RBP7: variants seen among roughly 807,000 people sequenced by gnomAD.
RBP7 encodes retinoid-binding protein 7.
A neutral mutation model predicts 16.7 loss-of-function variants in RBP7; 13 were observed. The ratio of observed to expected loss-of-function variants is 0.78; its 90% CI spans 0.51 to 1.24. RBP7 has a LOEUF of 1.24. Ranked by LOEUF, RBP7 falls within the 50% of genes most tolerant of loss-of-function variation. The pLI is 0.00. For synonymous variants in RBP7, 54 were observed against 56.2 expected, an observed-to-expected ratio of 0.96 and a Z score of 0.17; for missense variants, 145 against 159.5, an observed-to-expected ratio of 0.91 and a Z score of 0.49.
intron 1 of RBP7, among the ~76,000 whole-genome samples, chr1:10,006,783 A>G (rs1402932381): frequency 6.7e-6 from 1 of 149,196 alleles, no homozygotes; most frequent in Admixed American, 6.7e-5. Context: ...AGAGAGAGAG[A>G]GGTATATACA....
intron 3 of RBP7, among the ~76,000 whole-genome samples, chr1:10,010,735 C>G (rs1045444529): frequency 6.6e-6 from 1 of 152,054 alleles, no homozygotes; most frequent in Non-Finnish European, 1.5e-5. Flanking sequence ...CAGGCATGCA[C>G]CACCACGCCT....
chr1:10,011,244 G>A (rs188777274), intron 3 of RBP7, among the ~76,000 whole-genome samples: 165 of 152,048 alleles, frequency 1.1e-3, no homozygotes, highest in African/African-American at 3.4e-3. Context: ...ATAGTCATCT[G>A]TCTTTGTATT....
chr1:10,001,857 C>G (rs1642287371), intron 1 of RBP7, among the ~76,000 whole-genome samples: 1 of 144,358 alleles, frequency 6.9e-6, no homozygotes, highest in Non-Finnish European at 1.5e-5. Context: ...GAGACAGAGT[C>G]TCCCTTTGTT....
At chr1:10,008,326 T>A (rs1214268468) in intron 3 of RBP7, 52 bp downstream of exon 3, 1 of 1,255,858 alleles carries the variant, frequency 8.0e-7, no homozygotes, top group Admixed American at 1.7e-5. Context: ...AAAGGAAACA[T>A]CAGGCCAAGC....
intron 1 of RBP7, among the ~76,000 whole-genome samples, chr1:10,003,401 C>T (rs529894211): frequency 6.6e-6 from 1 of 152,294 alleles, no homozygotes; most frequent in South Asian, 2.1e-4. Flanking sequence ...GCACTCCAGC[C>T]TGGGTGACAA....
Position 10,002,588 on chromosome 1 carries a change from C to T in RBP7, c.74-4982C>T, listed in dbSNP as rs529928856. Among the ~76,000 whole-genome samples the T allele has an allele frequency of 5.3e-5, 8 of 152,166 alleles. 1 individual carries two copies. The East Asian group carries it at 1.5e-3, about 29-fold the overall frequency. ...CATCTTGGCTCATTGCAACCTCCTC[C>T]TTCTAGGCTCAAGCGATCCTCCCAC... On this transcript the variant is annotated intron_variant, in intron 1 of 3. Coordinates refer to ENST00000294435, the MANE Select transcript of RBP7 (RefSeq NM_052960.3).
intron 3 of RBP7, among the ~76,000 whole-genome samples, chr1:10,011,729 T>C (rs77984683): frequency 0.016 from 2,398 of 152,174 alleles, 46 homozygotes; most frequent in African/African-American, 0.04. Flanking sequence ...TGATTCTAGA[T>C]GGACAAATCT....
chr1:10,005,617 G>T (rs1180438245), intron 1 of RBP7, among the ~76,000 whole-genome samples: 2 of 150,986 alleles, frequency 1.3e-5, no homozygotes, highest in African/African-American at 4.9e-5. Context: ...AGGCTGGAGT[G>T]CAGTCGCACG....
chr1:10,008,660 C>T (rs185220047), intron 3 of RBP7, among the ~76,000 whole-genome samples: 1 of 151,506 alleles, frequency 6.6e-6, no homozygotes, highest in Non-Finnish European at 1.5e-5. Context: ...AGGATGGTCT[C>T]GATCTCTTGA....
intron 3 of RBP7, among the ~76,000 whole-genome samples, chr1:10,015,441 T>C (rs1156238900): frequency 5.4e-5 from 6 of 111,304 alleles, no homozygotes; most frequent in East Asian, 2.7e-4. Context: ...AGAGTGAGAC[T>C]CCATCTCAAA....
intron 1 of RBP7, among the ~76,000 whole-genome samples, chr1:10,004,911 C>G (rs1451128355): frequency 6.6e-6 from 1 of 151,974 alleles, no homozygotes; most frequent in South Asian, 2.1e-4. Flanking sequence ...GAAGATCTCT[C>G]GAGCCTGGGA....
rs1642756253 is a variant in RBP7 at position 10,015,672 on chromosome 1, A to G, written c.355-110A>G. 3 of 967,220 alleles carry G rather than the reference A, an allele frequency of 3.1e-6. No individual in the cohort carries two copies. In the South Asian group the frequency reaches 4.2e-5, roughly 13 times the overall value. 59.9% of individuals were successfully genotyped at this position (967,220 alleles called of 1,614,324 possible). The stretch of plus-strand genomic sequence containing the variant: ...AGTGAGACCCCATCTCATAAAAGAA[A>G]AAAACATGTTCCAGAAAAGGGTTAA... On this transcript the variant is annotated intron_variant, in intron 3 of 3. Transcript: ENST00000294435.
intron 3 of RBP7, among the ~76,000 whole-genome samples, chr1:10,011,434 T>C (rs1029250896): frequency 2.0e-5 from 3 of 152,204 alleles, no homozygotes; most frequent in African/African-American, 4.8e-5. Context: ...GTTATAGCTG[T>C]CTAGGTTACA....
intron 3 of RBP7, among the ~76,000 whole-genome samples, chr1:10,011,954 C>A (rs964791766): frequency 6.6e-6 from 1 of 151,970 alleles, no homozygotes; most frequent in Non-Finnish European, 1.5e-5. Context: ...GTAATCCCAG[C>A]ACTTTGGGAG....
intron 3 of RBP7, among the ~76,000 whole-genome samples, chr1:10,014,356 G>A (rs1333348205): frequency 1.3e-5 from 2 of 151,834 alleles, no homozygotes; most frequent in Non-Finnish European, 2.9e-5. Context: ...TCTTCCATCA[G>A]GCTGTTTCTT....
intron 3 of RBP7, 66 bp from the exon 4 acceptor site, chr1:10,015,714 AGT>A (rs1553130790): frequency 1.6e-6 from 2 of 1,284,242 alleles, no homozygotes; most frequent in Non-Finnish European, 2.3e-6. Flanking sequence ...ATAAAAAATA[AGT>A]GTTGAGAGTA....
chr1:10,005,584 G>C (rs1281162104), intron 1 of RBP7, among the ~76,000 whole-genome samples: 8 of 148,938 alleles, frequency 5.4e-5, no homozygotes, highest in African/African-American at 2.0e-4. Context: ...TTTTTTTTGA[G>C]ACGGAGTCTT....
Position 10,008,306 on chromosome 1 carries a change from A to G in RBP7, c.354+32A>G, listed in dbSNP as rs772928817. 9 of 1,408,272 alleles carry G rather than the reference A, an allele frequency of 6.4e-6. 1 individual carries two copies. In the South Asian group the frequency reaches 1.0e-4, roughly 16 times the overall value. 87.2% of individuals were successfully genotyped at this position (1,408,272 alleles called of 1,614,324 possible). Reference sequence around the variant, plus strand: ...ACCACATTTTGTTCTTAATGAGATGATACAGTATTAAAGGAAACATCAGGC... The same window carrying G: ...ACCACATTTTGTTCTTAATGAGATGGTACAGTATTAAAGGAAACATCAGGC... On this transcript the variant is annotated intron_variant, in intron 3 of 3. Transcript: ENST00000294435.
At chr1:10,013,365 G>A (rs977824658) in intron 3 of RBP7, among the ~76,000 whole-genome samples, 14 of 151,696 alleles carry the variant, frequency 9.2e-5, no homozygotes, top group Admixed American at 2.6e-4. Context: ...GAGCCACCGC[G>A]CCCAGCCACC....
Sources: allele counts gnomAD v4.1 joint callset (sites outside exome capture counted in the v4.1 genomes callset), GRCh38; gene constraint gnomAD v4.1.1; transcripts MANE v1.5; gene names NCBI Gene and HGNC (gene_info 2026-07-23, HGNC 2026-07-21).